FOXP2: variants seen among roughly 807,000 people sequenced by gnomAD.
FOXP2 encodes the protein forkhead box protein P2.
FOXP2 carries 12 observed loss-of-function variants against 115.8 expected under a neutral mutation model. The observed-to-expected ratio is 0.10, with a 90% CI of 0.07 to 0.17. FOXP2 has a LOEUF of 0.17. Ranked by LOEUF, FOXP2 falls within the 10% of genes least tolerant of loss-of-function variation. FOXP2 has a pLI of 1.00. For synonymous variants in FOXP2, 328 were observed against 297.7 expected, an observed-to-expected ratio of 1.10 and a Z score of -1.05; for missense variants, 629 against 843.5, an observed-to-expected ratio of 0.75 and a Z score of 3.15.
At chr7:114,272,108 G>A (rs1796077922) in intron 1 of FOXP2, among the ~76,000 whole-genome samples, 1 of 146,648 alleles carries the variant, frequency 6.8e-6, no homozygotes, top group Admixed American at 7.0e-5. Flanking sequence ...ATGAATGGAT[G>A]TTGGATTTTG....
intron 3 of FOXP2, among the ~76,000 whole-genome samples, chr7:114,577,392 T>C (rs1801628989): frequency 6.6e-6 from 1 of 152,000 alleles, no homozygotes; most frequent in Non-Finnish European, 1.5e-5. Flanking sequence ...ACTTTATGCA[T>C]CAGACAATTT....
intron 1 of FOXP2, among the ~76,000 whole-genome samples, chr7:114,222,308 T>C (rs1304549014): frequency 6.6e-6 from 1 of 152,060 alleles, no homozygotes; most frequent in Non-Finnish European, 1.5e-5. Context: ...GGCATGTGCC[T>C]GCATGGCTGG....
At chr7:114,453,836 T>A (rs891604165) in intron 2 of FOXP2, among the ~76,000 whole-genome samples, 10 of 152,016 alleles carry the variant, frequency 6.6e-5, no homozygotes, top group Admixed American at 2.0e-4. Context: ...TGAAACTGGA[T>A]CCCTTCCTTA....
chr7:114,263,630 C>G (rs1795817090), intron 1 of FOXP2, among the ~76,000 whole-genome samples: 1 of 151,506 alleles, frequency 6.6e-6, no homozygotes, highest in South Asian at 2.1e-4. Flanking sequence ...ATGTTCTTTT[C>G]TTAATCAGTC....
At chr7:114,539,601 A>C (rs1320835722) in intron 3 of FOXP2, among the ~76,000 whole-genome samples, 2 of 152,200 alleles carry the variant, frequency 1.3e-5, no homozygotes, top group African/African-American at 4.8e-5. Context: ...ACAAGAACAG[A>C]CTATGTCTTG....
intron 6 of FOXP2, among the ~76,000 whole-genome samples, chr7:114,633,479 AT>A (rs1805031846): frequency 6.6e-6 from 1 of 152,174 alleles, no homozygotes; most frequent in Non-Finnish European, 1.5e-5. Flanking sequence ...TGAGCAGAAA[AT>A]TTATATTTTA....
intron 2 of FOXP2, among the ~76,000 whole-genome samples, chr7:114,507,087 C>T (rs978067384): frequency 2.0e-5 from 3 of 151,698 alleles, no homozygotes; most frequent in Non-Finnish European, 4.4e-5. Context: ...ATGTTTAAAA[C>T]CCAAAGAAAC....
At chr7:114,482,237 C>T (rs917106590) in intron 2 of FOXP2, among the ~76,000 whole-genome samples, 8 of 151,502 alleles carry the variant, frequency 5.3e-5, no homozygotes, top group African/African-American at 1.9e-4. Context: ...TGGCAGTTAG[C>T]CCAGAAGTCC....
intron 6 of FOXP2, among the ~76,000 whole-genome samples, chr7:114,640,588 T>C (rs1322351588): frequency 2.0e-5 from 3 of 152,192 alleles, no homozygotes; most frequent in Non-Finnish European, 1.5e-5. Flanking sequence ...ATCAGGGATT[T>C]TTCCATTTGC....
chr7:114,518,564 A>C (rs902098395), intron 2 of FOXP2, among the ~76,000 whole-genome samples: 2 of 151,636 alleles, frequency 1.3e-5, no homozygotes, highest in Non-Finnish European at 2.9e-5. Context: ...GTGCAGTGGC[A>C]TGATCTCAGC....
rs930072390 is a variant in FOXP2 at position 114,693,276 on chromosome 7, T to C, written c.*3350T>C. ...CTGTGTCTACAGCTGCTTAACTTCA[T>C]AAGAATGCATTTCTTTGTGATTAGG... On this transcript the variant is annotated 3_prime_UTR_variant, in exon 17 of 17. Coordinates refer to ENST00000350908, the MANE Select transcript of FOXP2 (RefSeq NM_014491.4). The C allele has an allele frequency of 1.1e-5, 5 of 450,948 alleles. No homozygotes were observed. Among genetic ancestry groups the C allele is most frequent in the African/African-American group, 1.0e-4 (5 of 49,838 alleles). 27.9% of individuals were successfully genotyped at this position (450,948 alleles called of 1,614,324 possible). A position where few individuals can be genotyped will look rare whatever the true frequency, so the allele number is the denominator to read the frequency against.
intron 2 of FOXP2, among the ~76,000 whole-genome samples, chr7:114,370,867 A>C (rs1791987180): frequency 6.6e-6 from 1 of 152,300 alleles, no homozygotes; most frequent in East Asian, 1.9e-4. Context: ...AAATAATATA[A>C]TTGGAGATAG....
chr7:114,632,293 T>C (rs1444819830), intron 6 of FOXP2, among the ~76,000 whole-genome samples: 1 of 152,224 alleles, frequency 6.6e-6, no homozygotes, highest in African/African-American at 2.4e-5. Flanking sequence ...AAAAAATCTG[T>C]CAACTGTATT....
At chr7:114,460,566 T>C (rs747128664) in intron 2 of FOXP2, among the ~76,000 whole-genome samples, 2 of 152,234 alleles carry the variant, frequency 1.3e-5, no homozygotes, top group Non-Finnish European at 2.9e-5. Context: ...GTCTTAACTT[T>C]TCATATACTA....
At chr7:114,397,901 T>C (rs1157273712) in intron 2 of FOXP2, among the ~76,000 whole-genome samples, 1 of 152,172 alleles carries the variant, frequency 6.6e-6, no homozygotes, top group Non-Finnish European at 1.5e-5. Flanking sequence ...AAGTGATCCA[T>C]TGGAAGATTT....
intron 2 of FOXP2, among the ~76,000 whole-genome samples, chr7:114,324,509 G>A (rs1797507760): frequency 6.6e-6 from 1 of 151,796 alleles, no homozygotes; most frequent in African/African-American, 2.4e-5. Flanking sequence ...ATTGCTTGCT[G>A]ATATTGAGGT....
intron 2 of FOXP2, among the ~76,000 whole-genome samples, chr7:114,388,291 A>G (rs966483288): frequency 6.6e-6 from 1 of 152,044 alleles, no homozygotes; most frequent in East Asian, 1.9e-4. Context: ...AGTTGTAACC[A>G]CATATTTCAA....
chr7:114,554,935 C>T (rs1441604303), intron 3 of FOXP2, among the ~76,000 whole-genome samples: 1 of 152,106 alleles, frequency 6.6e-6, no homozygotes, highest in African/African-American at 2.4e-5. Flanking sequence ...TAAAAAAGGG[C>T]TTCCTCTTAG....
At chr7:114,118,152 G>A (rs148443285) in intron 1 of FOXP2, among the ~76,000 whole-genome samples, 249 of 152,162 alleles carry the variant, frequency 1.6e-3, no homozygotes, top group African/African-American at 5.6e-3. Flanking sequence ...GTTCACAGTG[G>A]TTGAATATTT....
Sources: gnomAD v4.1 joint callset for allele counts (sites outside exome capture counted in the v4.1 genomes callset) on GRCh38, gnomAD v4.1.1 for gene constraint, MANE v1.5 for transcripts, NCBI Gene and HGNC (gene_info 2026-07-23, HGNC 2026-07-21) for gene names.